The following RPS6KA2 variants were observed in gnomAD, a reference collection of about 807,000 sequenced individuals.
RPS6KA2 encodes ribosomal protein S6 kinase alpha-2.
A neutral mutation model predicts 91.8 loss-of-function variants in RPS6KA2; 42 were observed. That is an observed-to-expected ratio of 0.46 (90% CI 0.36 to 0.59). The LOEUF (loss-of-function observed/expected upper bound fraction) is 0.59. RPS6KA2 is among the 20% of genes least tolerant of loss of function. The pLI, the probability that RPS6KA2 is intolerant of heterozygous loss-of-function variation, is 0.00. For synonymous variants in RPS6KA2, 414 were observed against 393.6 expected (o/e 1.05, Z -0.61); for missense variants, 798 against 978.5 (o/e 0.82, Z 2.46).
intron 2 of RPS6KA2, among the ~76,000 whole-genome samples, chr6:166,842,494 T>C (rs1023374404): frequency 1.3e-5 from 2 of 152,178 alleles, no homozygotes; most frequent in African/African-American, 2.4e-5. Flanking sequence ...CTGTGGATGC[T>C]GTGATCACAG....
chr6:166,613,489 C>T (rs1486135839), intron 1 of RPS6KA2, among the ~76,000 whole-genome samples: 3 of 152,232 alleles, frequency 2.0e-5, no homozygotes, highest in Non-Finnish European at 4.4e-5. Context: ...CTGAGCTACT[C>T]ACCCTGCTTC....
At chr6:166,568,324 T>C (rs1459288693) in intron 1 of RPS6KA2, among the ~76,000 whole-genome samples, 1 of 152,106 alleles carries the variant, frequency 6.6e-6, no homozygotes, top group Non-Finnish European at 1.5e-5. Context: ...ATCCAAAATC[T>C]ATTACTTGGC....
At chr6:166,758,768 A>G (rs1020874674) in intron 2 of RPS6KA2, among the ~76,000 whole-genome samples, 4 of 152,232 alleles carry the variant, frequency 2.6e-5, no homozygotes, top group Non-Finnish European at 5.9e-5. Flanking sequence ...CAAAGAGGAA[A>G]TTTAAGACTG....
chr6:166,790,128 G>A (rs181535789), intron 2 of RPS6KA2, among the ~76,000 whole-genome samples: 9 of 152,216 alleles, frequency 5.9e-5, no homozygotes, highest in East Asian at 5.8e-4. Context: ...AAAATTAGAC[G>A]AATGGATAAC....
chr6:166,744,566 G>A (rs911622370), intron 2 of RPS6KA2, among the ~76,000 whole-genome samples: 7 of 152,216 alleles, frequency 4.6e-5, no homozygotes, highest in Non-Finnish European at 1.0e-4. Context: ...CTGCAGCAGG[G>A]CCCAGGCTGG....
chr6:166,743,741 G>A (rs933453112), intron 2 of RPS6KA2, among the ~76,000 whole-genome samples: 1 of 152,152 alleles, frequency 6.6e-6, no homozygotes, highest in South Asian at 2.1e-4. Flanking sequence ...CTTTTCACCC[G>A]TAGAACGTTA....
intron 2 of RPS6KA2, among the ~76,000 whole-genome samples, chr6:166,687,633 G>T (rs1047975574): frequency 2.0e-5 from 3 of 152,226 alleles, no homozygotes; most frequent in Admixed American, 2.0e-4. Context: ...TATTTGAATT[G>T]CAGGAATCCA....
chr6:166,571,284 G>A (rs934172101), intron 1 of RPS6KA2, among the ~76,000 whole-genome samples: 4 of 152,162 alleles, frequency 2.6e-5, no homozygotes, highest in South Asian at 2.1e-4. Flanking sequence ...ATCTTCTATC[G>A]GCTTAAGGTT....
intron 6 of RPS6KA2, among the ~76,000 whole-genome samples, chr6:166,501,523 C>A (rs1398599924): frequency 1.3e-5 from 2 of 152,240 alleles, no homozygotes; most frequent in Admixed American, 6.5e-5. Flanking sequence ...CCACTGGGTC[C>A]CTGTCTTGTT....
intron 12 of RPS6KA2, among the ~76,000 whole-genome samples, chr6:166,458,118 T>G (rs1780161512): frequency 6.6e-6 from 1 of 152,218 alleles, no homozygotes; most frequent in Non-Finnish European, 1.5e-5. Context: ...CAAGTGTAAC[T>G]GTATTTGGAG....
At chr6:166,670,859 C>A (rs921689049) in intron 2 of RPS6KA2, among the ~76,000 whole-genome samples, 1 of 152,164 alleles carries the variant, frequency 6.6e-6, no homozygotes, top group Admixed American at 6.5e-5. Flanking sequence ...CTCACTCTGT[C>A]GCCCAGGCTG....
chr6:166,637,395 C>T (rs2128548328), intron 2 of RPS6KA2, among the ~76,000 whole-genome samples: 1 of 152,336 alleles, frequency 6.6e-6, no homozygotes, highest in African/African-American at 2.4e-5. Context: ...AGTCGAAGCC[C>T]ATTCTCTCCC....
At chr6:166,792,864 A>G (rs1368263755) in intron 2 of RPS6KA2, among the ~76,000 whole-genome samples, 1 of 152,106 alleles carries the variant, frequency 6.6e-6, no homozygotes, top group Non-Finnish European at 1.5e-5. Flanking sequence ...TCAAAATAAT[A>G]AAAGCTATTT....
rs1379807628 is a variant in RPS6KA2 at position 166,767,777 on chromosome 6, AC to A, written c.123+90422del. On this transcript the variant is annotated intron_variant, in intron 2 of 21. Coordinates refer to the RPS6KA2 transcript ENST00000503859. This position sits in a 1 kb window ranked among gnomAD's most constrained non-coding sequence, Gnocchi z 4.6. ...AACTAAAGACAATACCTCCTCAAACACACACACACACACACACACACACACA... is the reference window on the plus strand; with the variant it reads ...AACTAAAGACAATACCTCCTCAAACAACACACACACACACACACACACACA... 2.7e-3 allele frequency among the ~76,000 whole-genome samples: 8 copies of A among 2,992 alleles called. No individual in the cohort carries two copies. Among genetic ancestry groups the A allele is most frequent in the Non-Finnish European group, 0.012 (8 of 690 alleles). The allele number at this position is 2,992 out of a possible 152,430, so 2.0% of individuals were successfully genotyped here.
At position 166,767,311 on chromosome 6, in the gene RPS6KA2, G is replaced by A. The variant is rs983161923; in HGVS notation, c.123+90889C>T. On this transcript the variant is annotated intron_variant, in intron 2 of 21. Transcript: ENST00000503859. This position sits in a 1 kb window ranked among gnomAD's most constrained non-coding sequence, Gnocchi z 4.6. Reference sequence around the variant, plus strand: ...AGCTTGCAAGGCAGAGGCACGGAACGATTTGATGAAAAAGACAGAGGAAAA... The same window carrying A: ...AGCTTGCAAGGCAGAGGCACGGAACAATTTGATGAAAAAGACAGAGGAAAA... 4.6e-5 allele frequency among the ~76,000 whole-genome samples: 7 copies of A among 152,164 alleles called. No homozygotes were observed. The highest frequency in any genetic ancestry group is 4.1e-4 in the South Asian group (2 of 4,828).
rs745118 is a variant in RPS6KA2, at chr6:166,849,906, C to G, written c.123+8294G>C. The stretch of plus-strand genomic sequence containing the variant: ...GTTCAGGGACCAGGGGCACTCATGC[C>G]TGGCTCCGCTGTGCCCACGGGGCCT... On this transcript the variant is annotated intron_variant, in intron 2 of 21. Transcript: ENST00000503859. The surrounding 1 kb of genome is among the most constrained non-coding windows in gnomAD (Gnocchi z 4.9). Among the ~76,000 whole-genome samples, 1 of 151,990 alleles carries G rather than the reference C, an allele frequency of 6.6e-6. No individual in the cohort carries two copies. The highest frequency in any genetic ancestry group is 6.5e-5 in the Admixed American group (1 of 15,282).
At chr6:166,710,825 A>C (rs1337886254) in intron 2 of RPS6KA2, among the ~76,000 whole-genome samples, 1 of 152,186 alleles carries the variant, frequency 6.6e-6, no homozygotes, top group East Asian at 1.9e-4. Context: ...CATGTGTACT[A>C]GACCTGAAGC....
intron 2 of RPS6KA2, among the ~76,000 whole-genome samples, chr6:166,752,299 G>A (rs769304644): frequency 3.9e-5 from 6 of 152,136 alleles, no homozygotes; most frequent in Non-Finnish European, 2.9e-5. Flanking sequence ...GCTGTGAAGC[G>A]CGTCCACAGT....
At chr6:166,724,632 C>T (rs1357010436) in intron 2 of RPS6KA2, among the ~76,000 whole-genome samples, 6 of 152,212 alleles carry the variant, frequency 3.9e-5, no homozygotes, top group African/African-American at 1.2e-4. Flanking sequence ...TGTCACCATA[C>T]GTCACCGCAC....
Sources: gnomAD v4.1 joint callset for allele counts (sites outside exome capture counted in the v4.1 genomes callset) on GRCh38, gnomAD v4.1.1 for gene constraint, Gnocchi (gnomAD v3.1) non-coding constraint, MANE v1.5 for transcripts, NCBI Gene and HGNC (gene_info 2026-07-23, HGNC 2026-07-21) for gene names.